Variants in PIKFYVE observed in about 807,000 individuals in gnomAD.
The protein encoded by PIKFYVE is 1-phosphatidylinositol 3-phosphate 5-kinase.
A neutral mutation model predicts 257.9 loss-of-function variants in PIKFYVE; 122 were observed. The observed-to-expected ratio is 0.47, with a 90% CI of 0.41 to 0.55. The LOEUF (loss-of-function observed/expected upper bound fraction) is 0.55, where lower values mean the gene tolerates loss of function less well. Among genes scored for constraint, PIKFYVE ranks in the 20% least tolerant of loss-of-function variants. PIKFYVE has a pLI of 0.00. For synonymous variants in PIKFYVE, 892 were observed against 868.9 expected (o/e 1.03, Z -0.47); for missense variants, 2,160 against 2,536.6 (o/e 0.85, Z 3.19).
intron 7 of PIKFYVE, among the ~76,000 whole-genome samples, chr2:208,291,039 A>G (rs1235465832): frequency 1.3e-5 from 2 of 152,196 alleles, no homozygotes; most frequent in Non-Finnish European, 2.9e-5. Flanking sequence ...CCAATGTTGA[A>G]AAGGAGTAGT....
chr2:208,274,678 C>T (rs1689879838), intron 3 of PIKFYVE, among the ~76,000 whole-genome samples: 1 of 152,190 alleles, frequency 6.6e-6, no homozygotes. Context: ...GCCAGGGTTA[C>T]ATCAGCCATT....
At chr2:208,314,539 T>TA (rs1400716898) in intron 14 of PIKFYVE, 116 bp downstream of exon 14, 17 of 1,203,082 alleles carry the variant, frequency 1.4e-5, no homozygotes, top group Non-Finnish European at 2.0e-5. Context: ...CCTTAGAAAG[T>TA]AAAAAAATAC....
At chr2:208,330,263 T>C (rs1697380323) in intron 22 of PIKFYVE, among the ~76,000 whole-genome samples, 1 of 152,204 alleles carries the variant, frequency 6.6e-6, no homozygotes, top group Admixed American at 6.5e-5. Context: ...CAAAGCACTT[T>C]ACTAGTCCCC....
rs900181170 is a variant in PIKFYVE, at chr2:208,357,827, C to A, written c.*2522C>A. ...GAATGAGGAAGAAATCTTAATACTT[C>A]CTTCCTTAACATACAACATGAGTCC... On this transcript the variant is annotated 3_prime_UTR_variant, in exon 42 of 42. Transcript: ENST00000264380. The A allele has an allele frequency of 6.6e-6, 1 of 152,094 alleles. No individual in the cohort carries two copies. The highest frequency in any genetic ancestry group is 1.5e-5 in the Non-Finnish European group (1 of 68,016). The allele number at this position is 152,094 out of a possible 1,614,324, so 9.4% of individuals were successfully genotyped here. A position where few individuals can be genotyped will look rare whatever the true frequency, so the allele number is the denominator to read the frequency against.
In PIKFYVE at chr2:208,319,313, C is replaced by T. The variant is rs139814236; in HGVS notation, c.2083-939C>T. On this transcript the variant is annotated intron_variant, in intron 16 of 41. Coordinates refer to ENST00000264380, the MANE Select transcript of PIKFYVE (RefSeq NM_015040.4). ...TACTTGGCTTGAGTTTTGTACTTAT[C>T]GCGTATTTTATTGCAATAATTCGAC... Among the ~76,000 whole-genome samples, 9 of 152,230 alleles carry T rather than the reference C, an allele frequency of 5.9e-5. No homozygotes were observed. The East Asian group carries it at 1.2e-3, about 20-fold the overall frequency.
chr2:208,273,587 G>A lies in PIKFYVE; in HGVS notation c.176G>A (p.Arg59Lys). Residue 59 changes from arginine to lysine, a missense_variant, in exon 3 of 42, where the codon AGA (arginine) becomes AAA (lysine). Arg to Lys is a conservative substitution (Grantham distance 26, BLOSUM62 2). Around this residue, in one of 12 missense-constraint regions of PIKFYVE, gnomAD observed 172 missense variants for 180.6 expected, o/e 0.95. Transcript: ENST00000264380. ...FVNLFRFNKE[R>K]AEGGQGEQQP... ...GCCAAGCGTTCCCTTGCTACAGAGAGAGCAGAAGGAGGCCAGGGAGAACAG... is the reference window on the plus strand; with the variant it reads ...GCCAAGCGTTCCCTTGCTACAGAGAAAGCAGAAGGAGGCCAGGGAGAACAG... 1 of 1,614,192 alleles carries A rather than the reference G, an allele frequency of 6.2e-7. No individual in the cohort carries two copies. The highest frequency in any genetic ancestry group is 8.5e-7 in the Non-Finnish European group (1 of 1,180,044).
rs143759936 is a variant in PIKFYVE at position 208,339,551 on chromosome 2, C to T, written c.4806C>T (p.Ser1602=). 8.5e-5 allele frequency: 137 copies of T among 1,614,068 alleles called. No individual in the cohort carries two copies. Among genetic ancestry groups the T allele is most frequent in the Middle Eastern group, 4.9e-4 (3 of 6,062 alleles). The change falls in exon 30 of 42, where the codon TCC becomes TCT. Residue 1602 remains serine (S), a synonymous_variant. Transcript: ENST00000264380. The stretch of plus-strand genomic sequence containing the variant: ...CTGAGCTAGATACAGCCAGCAGTTC[C>T]GAAGGTAGAGGTTAAGTCACTTTTA... ...GPPELDTASS[S]EDVFDGHLLG...
chr2:208,279,169 T>G (rs1690486512), intron 5 of PIKFYVE, among the ~76,000 whole-genome samples: 1 of 152,202 alleles, frequency 6.6e-6, no homozygotes, highest in Non-Finnish European at 1.5e-5. Flanking sequence ...TGTGGAACAT[T>G]TTTTCATGTT....
chr2:208,339,792 A>T (rs983231352), intron 30 of PIKFYVE, among the ~76,000 whole-genome samples: 4 of 152,034 alleles, frequency 2.6e-5, no homozygotes, highest in East Asian at 1.9e-4. Flanking sequence ...AGAGATGTTT[A>T]AAAAAAACAA....
Position 208,354,592 on chromosome 2 carries a change from GGGACAAA to G in PIKFYVE, c.6129_6135del (p.Trp2043Ter). The G allele has an allele frequency of 6.2e-7, 1 of 1,613,124 alleles. No homozygotes were observed. The highest frequency in any genetic ancestry group is 8.5e-7 in the Non-Finnish European group (1 of 1,179,232). On this transcript the variant is annotated frameshift_variant, in exon 41 of 42. Coordinates refer to ENST00000264380, the MANE Select transcript of PIKFYVE (RefSeq NM_015040.4). LOFTEE classifies it high-confidence loss of function. ...CCAGATTATATTCGAACATTTACAT[GGGACAAA>G]AAGCTTGAGATGGTTGTGAAATCAA...
At chr2:208,298,563 A>G in intron 7 of PIKFYVE, 78 bp from the exon 8 acceptor site, 1 of 1,516,222 alleles carries the variant, frequency 6.6e-7, no homozygotes, top group Non-Finnish European at 9.1e-7. Context: ...CATTTATTTA[A>G]AAATGAATTT....
intron 25 of PIKFYVE, 45 bp from the exon 26 acceptor site, chr2:208,335,748 T>C: frequency 7.1e-7 from 1 of 1,412,486 alleles, no homozygotes; most frequent in Non-Finnish European, 1.0e-6. Context: ...GATAGAAAAT[T>C]TGATTCACCC....
At chr2:208,337,798 T>A (rs972484110) in intron 28 of PIKFYVE, among the ~76,000 whole-genome samples, 1 of 152,128 alleles carries the variant, frequency 6.6e-6, no homozygotes, top group Non-Finnish European at 1.5e-5. Flanking sequence ...CGCGGCTCAC[T>A]GCAACCTCTG....
At chr2:208,266,600 C>T (rs528531084) in intron 1 of PIKFYVE, among the ~76,000 whole-genome samples, 185 bp downstream of exon 1, 293 of 152,358 alleles carry the variant, frequency 1.9e-3, no homozygotes, top group Non-Finnish European at 3.4e-3. Flanking sequence ...AGCTTGTCCT[C>T]CCTATTCCCC....
intron 20 of PIKFYVE, among the ~76,000 whole-genome samples, 160 bp from the exon 21 acceptor site, chr2:208,328,020 A>G (rs551942208): frequency 5.3e-4 from 81 of 152,330 alleles, no homozygotes; most frequent in Middle Eastern, 3.4e-3. Context: ...TCAAAAACCA[A>G]CTGCCCTTCC....
At chr2:208,286,120 A>C (rs1241351774) in intron 6 of PIKFYVE, among the ~76,000 whole-genome samples, 187 bp downstream of exon 6, 1 of 152,192 alleles carries the variant, frequency 6.6e-6, no homozygotes, top group Non-Finnish European at 1.5e-5. Flanking sequence ...ATATTGGCTA[A>C]TTAGAATGTA....
intron 5 of PIKFYVE, among the ~76,000 whole-genome samples, chr2:208,284,277 T>TC (rs1261233057): frequency 3.4e-5 from 5 of 148,296 alleles, no homozygotes; most frequent in East Asian, 1.9e-4. Flanking sequence ...TTTTTTTTTT[T>TC]CCCAGACAGT....
At position 208,320,173 on chromosome 2, in the gene PIKFYVE, T is replaced by C. The variant is rs112670007; in HGVS notation, c.2083-79T>C. 3.7e-4 allele frequency: 561 copies of C among 1,524,318 alleles called. 1 individual carries two copies. In the African/African-American group the frequency reaches 6.6e-3, roughly 18 times the overall value. The allele number at this position is 1,524,318 out of a possible 1,614,324, so 94.4% of individuals were successfully genotyped here. A position where few individuals can be genotyped will look rare whatever the true frequency, so the allele number is the denominator to read the frequency against. On this transcript the variant is annotated intron_variant, in intron 16 of 41. Coordinates refer to ENST00000264380, the MANE Select transcript of PIKFYVE (RefSeq NM_015040.4). The stretch of plus-strand genomic sequence containing the variant: ...AAGTTAGTAGGAATTATGAACAATA[T>C]AGATTTAAAGTTATAATTAAAGGAG...
At position 208,305,011 on chromosome 2, in the gene PIKFYVE, A is replaced by G; in HGVS notation, c.1634A>G (p.Lys545Arg). Reference protein sequence around the residue: ...PHVPPHPADQKEYLISDTGGQ... With the variant: ...PHVPPHPADQREYLISDTGGQ... ...GTGCCCCCTCACCCTGCTGACCAAA[A>G]AGGTAGGAGGTAGTCACCATCTGGA... Residue 545 changes from lysine (K) to arginine (R), a missense_variant and splice_region_variant, in exon 12 of 42, where the codon AAA becomes AGA. Physicochemically the swap from Lys to Arg is conservative, Grantham distance 26 (BLOSUM62 2). Transcript: ENST00000264380. 1 of 1,614,044 alleles carries G rather than the reference A, an allele frequency of 6.2e-7. No individual in the cohort carries two copies. Among genetic ancestry groups the G allele is most frequent in the Non-Finnish European group, 8.5e-7 (1 of 1,179,974 alleles).
Sources: allele counts gnomAD v4.1 joint callset (sites outside exome capture counted in the v4.1 genomes callset), GRCh38; gene constraint gnomAD v4.1.1; regional missense constraint gnomAD v4.1.1; transcripts MANE v1.5; gene names NCBI Gene and HGNC (gene_info 2026-07-23, HGNC 2026-07-21).